The following PRELID2 variants were observed in gnomAD, a reference collection of about 807,000 sequenced individuals.
PRELID2 encodes the protein PRELI domain containing 2.
Under a neutral mutation model 28.4 loss-of-function variants are expected in PRELID2, and 25 were observed. That is an observed-to-expected ratio of 0.88 (90% CI 0.64 to 1.23). The LOEUF (loss-of-function observed/expected upper bound fraction) is 1.23. PRELID2 is among the 50% of genes most tolerant of loss of function. PRELID2 has a pLI of 0.00. For missense variants in PRELID2, 201 were observed against 214.4 expected (o/e 0.94, Z 0.39); for synonymous variants, 76 against 71.6 (o/e 1.06, Z -0.31).
the PRELID2 span, among the ~76,000 whole-genome samples, chr5:145,449,952 T>C: frequency 2.2e-3 from 330 of 152,284 alleles, 1 homozygote; most frequent in African/African-American, 7.5e-3. Context: ...TTGACACTGT[T>C]CTGCCCCCCT....
At chr5:145,742,672 A>G (rs1355210107) in intron 1 of PRELID2, among the ~76,000 whole-genome samples, 2 of 151,214 alleles carry the variant, frequency 1.3e-5, no homozygotes, top group Non-Finnish European at 3.0e-5. Context: ...ACAATAATCT[A>G]AGTTCCCACC....
intron 1 of PRELID2, among the ~76,000 whole-genome samples, chr5:145,663,833 C>A (rs1182386940): frequency 4.6e-5 from 7 of 152,056 alleles, no homozygotes; most frequent in Admixed American, 6.6e-5. Context: ...ATTCCGAGGA[C>A]TAATTGAAGA....
rs1198181975 is a variant in PRELID2, at chr5:145,756,739, C to G, written c.*3797G>C. On this transcript the variant is annotated 3_prime_UTR_variant, in exon 7 of 7. Transcript: ENST00000683046. ...TTATTGCTAGAACAGCCTCTCAAAACCTCATTCAAATCCTCTCTACTCTTA... is the reference window on the plus strand; with the variant it reads ...TTATTGCTAGAACAGCCTCTCAAAAGCTCATTCAAATCCTCTCTACTCTTA... Among the ~76,000 whole-genome samples, 2 of 152,182 alleles carry G rather than the reference C, an allele frequency of 1.3e-5. No homozygotes were observed. The highest frequency in any genetic ancestry group is 2.9e-5 in the Non-Finnish European group (2 of 68,036).
the PRELID2 span, among the ~76,000 whole-genome samples, chr5:145,354,532 T>A: frequency 7.2e-5 from 11 of 152,230 alleles, no homozygotes; most frequent in Admixed American, 6.5e-5. Flanking sequence ...CCACAGCCCA[T>A]CTGTGTAATT....
the PRELID2 span, among the ~76,000 whole-genome samples, chr5:145,341,218 C>G: frequency 6.6e-6 from 1 of 151,622 alleles, no homozygotes; most frequent in Admixed American, 6.6e-5. Flanking sequence ...AATGATGCCC[C>G]CAGAGAAATA....
At chr5:145,490,241 C>A (rs1167326598) in intron 1 of PRELID2, among the ~76,000 whole-genome samples, 1 of 152,108 alleles carries the variant, frequency 6.6e-6, no homozygotes, top group African/African-American at 2.4e-5. Flanking sequence ...TTTAAAATTT[C>A]CTTTTTTGTA....
At chr5:145,359,102 C>T in the PRELID2 span, among the ~76,000 whole-genome samples, 1 of 152,178 alleles carries the variant, frequency 6.6e-6, no homozygotes, top group Admixed American at 6.5e-5. Context: ...ATGGACCAAT[C>T]TTTAACTGGT....
chr5:145,610,191 C>A (rs1395546591), intron 1 of PRELID2, among the ~76,000 whole-genome samples: 1 of 152,170 alleles, frequency 6.6e-6, no homozygotes, highest in African/African-American at 2.4e-5. Flanking sequence ...CTCACTCACA[C>A]CCTTTCCCAC....
chr5:145,514,028 C>T (rs1752489560), intron 1 of PRELID2, among the ~76,000 whole-genome samples: 1 of 152,084 alleles, frequency 6.6e-6, no homozygotes, highest in African/African-American at 2.4e-5. Context: ...CCAGTACCAG[C>T]CACTGCAAAA....
chr5:145,416,553 GTAAA>G, the PRELID2 span, among the ~76,000 whole-genome samples: 1 of 152,040 alleles, frequency 6.6e-6, no homozygotes, highest in Admixed American at 6.6e-5. Flanking sequence ...TGACTCTTGG[GTAAA>G]TAATGAATTT....
At chr5:145,825,225 C>CAAAAAAAAAAAAAA (rs56818178) in intron 1 of PRELID2, among the ~76,000 whole-genome samples, 1 of 60,402 alleles carries the variant, frequency 1.7e-5, no homozygotes, top group African/African-American at 5.4e-5. Flanking sequence ...GACTCTGTCT[C>CAAAAAAAAAAAAAA]AAAAAAAAAA....
chr5:145,641,859 G>A (rs1032124090), intron 1 of PRELID2, among the ~76,000 whole-genome samples: 1 of 152,154 alleles, frequency 6.6e-6, no homozygotes, highest in Non-Finnish European at 1.5e-5. Flanking sequence ...CCTTTTTATG[G>A]CTGCATAGTA....
chr5:145,775,188 C>T (rs977871584), intron 5 of PRELID2, among the ~76,000 whole-genome samples: 3 of 151,586 alleles, frequency 2.0e-5, no homozygotes, highest in African/African-American at 7.3e-5. Flanking sequence ...TGCAGTGAGC[C>T]GAAATCAAGC....
chr5:145,411,317 G>A, the PRELID2 span, among the ~76,000 whole-genome samples: 1 of 152,120 alleles, frequency 6.6e-6, no homozygotes, highest in African/African-American at 2.4e-5. Context: ...CATGAGAACA[G>A]CACAGGAAAG....
intron 1 of PRELID2, among the ~76,000 whole-genome samples, chr5:145,736,708 C>A (rs1456470949): frequency 4.6e-5 from 7 of 151,694 alleles, no homozygotes; most frequent in Admixed American, 1.3e-4. Flanking sequence ...GGTAATTCCC[C>A]CAAAAAAATA....
chr5:145,829,335 C>T (rs1053775896), intron 1 of PRELID2, among the ~76,000 whole-genome samples: 12 of 152,180 alleles, frequency 7.9e-5, no homozygotes, highest in Non-Finnish European at 1.5e-5. Flanking sequence ...CATGCTCACT[C>T]TCTCCTTTAT....
chr5:145,283,788 C>G, the PRELID2 span, among the ~76,000 whole-genome samples: 1 of 151,998 alleles, frequency 6.6e-6, no homozygotes, highest in East Asian at 1.9e-4. Context: ...AGCTGAGAGC[C>G]CATTAGCTGG....
chr5:145,305,328 C>G, the PRELID2 span, among the ~76,000 whole-genome samples: 5 of 152,108 alleles, frequency 3.3e-5, no homozygotes, highest in Non-Finnish European at 7.4e-5. Context: ...ATCAGTAGTA[C>G]CAAGTACCTT....
the PRELID2 span, among the ~76,000 whole-genome samples, chr5:145,430,147 CT>C: frequency 1.3e-5 from 2 of 152,124 alleles, no homozygotes; most frequent in Non-Finnish European, 2.9e-5. Context: ...CAATTTTTGT[CT>C]TCCCAACTCT....
Sources: allele counts gnomAD v4.1 joint callset (sites outside exome capture counted in the v4.1 genomes callset), GRCh38; gene constraint gnomAD v4.1.1; transcripts MANE v1.5; gene names NCBI Gene and HGNC (gene_info 2026-07-23, HGNC 2026-07-21).